The following MEA1 variants were observed in gnomAD, a reference collection of about 807,000 sequenced individuals.
MEA1 encodes the protein Male-enhanced antigen (H-Y structural gene).
Under a neutral mutation model 21.4 loss-of-function variants are expected in MEA1, and 22 were observed. The ratio of observed to expected loss-of-function variants is 1.03; its 90% CI spans 0.73 to 1.47. The LOEUF (loss-of-function observed/expected upper bound fraction) is 1.47. Among genes scored for constraint, MEA1 ranks in the 40% most tolerant of loss-of-function variants. The pLI is 0.00. For missense variants in MEA1, 233 were observed against 230.5 expected (o/e 1.01, Z -0.07); for synonymous variants, 91 against 85.5 (o/e 1.06, Z -0.35).
chr6:43,015,474 A>G (rs1457417416), upstream of MEA1, among the ~76,000 whole-genome samples: 3 of 152,168 alleles, frequency 2.0e-5, no homozygotes, highest in Non-Finnish European at 4.4e-5. Flanking sequence ...CAGCAAAAGC[A>G]TTGTCAGTTG....
At chr6:43,012,701 G>A in intron 3 of MEA1, 80 bp from the exon 4 acceptor site, 1 of 1,481,138 alleles carries the variant, frequency 6.8e-7, no homozygotes, top group Non-Finnish European at 9.1e-7. Flanking sequence ...TCAACCCAGA[G>A]CCCTTGGGCT....
At position 43,013,848 on chromosome 6, in the gene MEA1, C is replaced by T; in HGVS notation, c.-35G>A. 1 of 1,545,122 alleles carries T rather than the reference C, an allele frequency of 6.5e-7. No individual in the cohort carries two copies. The highest frequency in any genetic ancestry group is 8.7e-7 in the Non-Finnish European group (1 of 1,148,416). ...TCAAATGGCCCCAGCTGCAGCGTCCCCCACCCGCCCCCATCCGAATCCCGG... is the reference window on the plus strand; with the variant it reads ...TCAAATGGCCCCAGCTGCAGCGTCCTCCACCCGCCCCCATCCGAATCCCGG... On this transcript the variant is annotated 5_prime_UTR_variant, in exon 1 of 4. Transcript: ENST00000244711.
chr6:43,013,927 GC>G lies in MEA1; in HGVS notation c.-115del. On this transcript the variant is annotated 5_prime_UTR_variant, in exon 1 of 4. Coordinates refer to ENST00000244711, the MANE Select transcript of MEA1 (RefSeq NM_014623.4). ...TCAGAGCCCGCGGCCTCCACTTCCG[GC>G]GGGGCAGGACGTGCAGAGGTGCCTA... 1.1e-5 allele frequency: 16 copies of G among 1,477,576 alleles called. No individual in the cohort carries two copies. Among genetic ancestry groups the G allele is most frequent in the Non-Finnish European group, 1.4e-5 (16 of 1,114,274 alleles). 91.5% of individuals were successfully genotyped at this position (1,477,576 alleles called of 1,614,324 possible).
Position 43,013,899 on chromosome 6 carries a change from C to G in MEA1, c.-86G>C, listed in dbSNP as rs780909264. 2.9e-5 allele frequency: 43 copies of G among 1,496,904 alleles called. No individual in the cohort carries two copies. Among genetic ancestry groups the G allele is most frequent in the East Asian group, 9.9e-5 (4 of 40,456 alleles). The allele number at this position is 1,496,904 out of a possible 1,614,324, so 92.7% of individuals were successfully genotyped here. On this transcript the variant is annotated 5_prime_UTR_variant, in exon 1 of 4. Coordinates refer to ENST00000244711, the MANE Select transcript of MEA1 (RefSeq NM_014623.4). ...CGCCGGTGTTCCCGCGCGCCTCACC[C>G]GCTCAGAGCCCGCGGCCTCCACTTC...
chr6:43,011,611 A>C lies in MEA1; in HGVS notation c.*859T>G. 2.7e-6 allele frequency: 1 copy of C among 366,394 alleles called. No homozygotes were observed. The highest frequency in any genetic ancestry group is 5.1e-6 in the Non-Finnish European group (1 of 197,210). 22.7% of individuals were successfully genotyped at this position (366,394 alleles called of 1,614,324 possible). Reference sequence around the variant, plus strand: ...CTGAGAAGTACACACAGGAATACATACGCTCCTCTATTCTTCCCTTCATCC... The same window carrying C: ...CTGAGAAGTACACACAGGAATACATCCGCTCCTCTATTCTTCCCTTCATCC... On this transcript the variant is annotated 3_prime_UTR_variant, in exon 4 of 4. Transcript: ENST00000244711.
At chr6:43,013,763 C>A in intron 1 of MEA1, 23 bp downstream of exon 1, 2 of 1,594,390 alleles carry the variant, frequency 1.3e-6, no homozygotes, top group Non-Finnish European at 1.7e-6. Context: ...CTTCTCCCCT[C>A]TCCTAGAGGA....
At chr6:43,013,627 C>A (rs959442909) in intron 1 of MEA1, 159 bp downstream of exon 1, 10 of 872,612 alleles carry the variant, frequency 1.1e-5, no homozygotes, top group African/African-American at 3.4e-5. Flanking sequence ...AAACGCCCAA[C>A]CGGAGGCCCT....
rs1581867608 is a variant in MEA1 at position 43,012,674 on chromosome 6, C to T, written c.407-53G>A. Reference sequence around the variant, plus strand: ...GCATAGAAATAATGGGACCAGCTCCCCTCCCCAATCCCCGAATCAACCCAG... The same window carrying T: ...GCATAGAAATAATGGGACCAGCTCCTCTCCCCAATCCCCGAATCAACCCAG... On this transcript the variant is annotated intron_variant, in intron 3 of 3. Coordinates refer to ENST00000244711, the MANE Select transcript of MEA1 (RefSeq NM_014623.4). 1.8e-5 allele frequency: 28 copies of T among 1,533,558 alleles called. No individual in the cohort carries two copies. The East Asian group carries it at 5.9e-4, about 33-fold the overall frequency. The allele number at this position is 1,533,558 out of a possible 1,614,324, so 95.0% of individuals were successfully genotyped here.
upstream of MEA1, among the ~76,000 whole-genome samples, chr6:43,015,864 A>AG: frequency 6.6e-6 from 1 of 151,276 alleles, no homozygotes; most frequent in East Asian, 1.9e-4. Context: ...AAAAAAAAAA[A>AG]AAAAAAAAAG....
chr6:43,013,670 C>G, intron 1 of MEA1, 116 bp downstream of exon 1: 2 of 1,157,290 alleles, frequency 1.7e-6, no homozygotes, highest in Non-Finnish European at 2.5e-6. Flanking sequence ...TTCCAGAACC[C>G]CGGCTCCCCG....
Position 43,011,295 on chromosome 6 carries a change from G to C in MEA1, c.*1175C>G. ...GCCAGGAGGCTCTCTGACCCCTCACGTTCCTACCACAGGGCCACAGCCCAC... is the reference window on the plus strand; with the variant it reads ...GCCAGGAGGCTCTCTGACCCCTCACCTTCCTACCACAGGGCCACAGCCCAC... On this transcript the variant is annotated 3_prime_UTR_variant, in exon 4 of 4. Coordinates refer to ENST00000244711, the MANE Select transcript of MEA1 (RefSeq NM_014623.4). 6.2e-7 allele frequency: 1 copy of C among 1,613,544 alleles called. No homozygotes were observed. Among genetic ancestry groups the C allele is most frequent in the South Asian group, 1.1e-5 (1 of 91,064 alleles).
intron 1 of MEA1, 136 bp from the exon 2 acceptor site, chr6:43,013,525 G>T: frequency 1.0e-6 from 1 of 992,402 alleles, no homozygotes; most frequent in Non-Finnish European, 1.5e-6. Context: ...CCACCCCTCC[G>T]CCCCAATTCC....
upstream of MEA1, among the ~76,000 whole-genome samples, chr6:43,015,224 G>A (rs996677934): frequency 2.6e-5 from 4 of 152,142 alleles, no homozygotes; most frequent in Non-Finnish European, 4.4e-5. Flanking sequence ...AGTGAGAGTA[G>A]CTTCCTGCTG....
intron 3 of MEA1, 104 bp from the exon 4 acceptor site, chr6:43,012,725 A>C (rs925960119): frequency 1.4e-6 from 2 of 1,388,086 alleles, no homozygotes; most frequent in Non-Finnish European, 1.9e-6. Context: ...AGGGTCACCA[A>C]ATCCACCTTG....
chr6:43,015,202 C>T (rs1762534530), upstream of MEA1, among the ~76,000 whole-genome samples: 1 of 151,742 alleles, frequency 6.6e-6, no homozygotes, highest in African/African-American at 2.4e-5. Context: ...TTTTGGAGAG[C>T]GGGAGTAATG....
At chr6:43,012,837 A>G in intron 3 of MEA1, 89 bp downstream of exon 3, 2 of 1,336,634 alleles carry the variant, frequency 1.5e-6, no homozygotes, top group Non-Finnish European at 2.2e-6. Flanking sequence ...TCTTTTTAGG[A>G]TAGGGTCTTC....
rs924695400 is a variant in MEA1 at position 43,012,120 on chromosome 6, G to A, written c.*350C>T. ...CCTGCCAACACCTATTTATTTCCTT[G>A]TTTGTGCTATGCTGGGCAGGCCTTC... On this transcript the variant is annotated 3_prime_UTR_variant, in exon 4 of 4. Coordinates refer to ENST00000244711, the MANE Select transcript of MEA1 (RefSeq NM_014623.4). The A allele has an allele frequency of 7.4e-6, 6 of 809,048 alleles. No homozygotes were observed. The highest frequency in any genetic ancestry group is 5.7e-4 in the Middle Eastern group (1 of 1,746). The allele number at this position is 809,048 out of a possible 1,614,324, so 50.1% of individuals were successfully genotyped here. A position where few individuals can be genotyped will look rare whatever the true frequency, so the allele number is the denominator to read the frequency against.
At chr6:43,015,279 G>A (rs1021350301), upstream of MEA1, among the ~76,000 whole-genome samples, 2 of 152,060 alleles carry the variant, frequency 1.3e-5, no homozygotes, top group Non-Finnish European at 2.9e-5. Context: ...AGCTTAGGGT[G>A]TGGAGTTGGG....
upstream of MEA1, chr6:43,014,009 C>T (rs1762488027): frequency 6.3e-6 from 9 of 1,419,638 alleles, no homozygotes; most frequent in East Asian, 2.6e-5. Flanking sequence ...GAGGAGTCCG[C>T]CCCTTGCCCC....
Sources: gnomAD v4.1 joint callset for allele counts (sites outside exome capture counted in the v4.1 genomes callset) on GRCh38, gnomAD v4.1.1 for gene constraint, MANE v1.5 for transcripts, NCBI Gene and HGNC (gene_info 2026-07-23, HGNC 2026-07-21) for gene names.